Variants in RALA observed in about 807,000 individuals in gnomAD.
RALA encodes the protein RAS like proto-oncogene A.
RALA carries 5 observed loss-of-function variants against 24.0 expected under a neutral mutation model. That is an observed-to-expected ratio of 0.21 (90% CI 0.11 to 0.44). RALA has a LOEUF of 0.44. Among genes scored for constraint, RALA ranks in the 20% least tolerant of loss-of-function variants. The pLI is 0.99. For missense variants in RALA, 95 were observed against 241.2 expected, an observed-to-expected ratio of 0.39 and a Z score of 4.01; for synonymous variants, 77 against 83.8, an observed-to-expected ratio of 0.92 and a Z score of 0.44.
intron 1 of RALA, among the ~76,000 whole-genome samples, chr7:39,624,886 T>G (rs1192381859): frequency 6.6e-6 from 1 of 152,254 alleles, no homozygotes; most frequent in Non-Finnish European, 1.5e-5. Context: ...TCTTACAGTA[T>G]GTTTATTAAT....
intron 1 of RALA, among the ~76,000 whole-genome samples, chr7:39,635,843 G>A (rs1222802841): frequency 3.3e-5 from 5 of 152,296 alleles, no homozygotes; most frequent in South Asian, 4.1e-4. Flanking sequence ...CCTGCTGTGC[G>A]GCCCAGTTCC....
chr7:39,704,168 A>G (rs1312370162), intron 4 of RALA, among the ~76,000 whole-genome samples: 5 of 151,840 alleles, frequency 3.3e-5, no homozygotes, highest in Non-Finnish European at 4.4e-5. Context: ...TCAAAAAAAA[A>G]AAAAAAAAAA....
intron 1 of RALA, among the ~76,000 whole-genome samples, chr7:39,660,213 G>A (rs1166053262): frequency 6.6e-6 from 1 of 151,984 alleles, no homozygotes; most frequent in East Asian, 1.9e-4. Context: ...GGGTGTGGTG[G>A]TGTGCACCTG....
chr7:39,658,257 T>C (rs1196926762), intron 1 of RALA, among the ~76,000 whole-genome samples: 1 of 152,100 alleles, frequency 6.6e-6, no homozygotes, highest in Non-Finnish European at 1.5e-5. Flanking sequence ...TGCTCCTTTT[T>C]CTCCTTCAGC....
intron 1 of RALA, among the ~76,000 whole-genome samples, chr7:39,639,866 T>C (rs1791750413): frequency 6.6e-6 from 1 of 152,090 alleles, no homozygotes; most frequent in African/African-American, 2.4e-5. Flanking sequence ...ATGGACAATT[T>C]AGACATGCCT....
At chr7:39,659,218 G>T (rs1052303100) in intron 1 of RALA, among the ~76,000 whole-genome samples, 6 of 152,156 alleles carry the variant, frequency 3.9e-5, no homozygotes, top group Non-Finnish European at 8.8e-5. Context: ...GGTCAAGGCT[G>T]CAGTGAGCTG....
intron 1 of RALA, among the ~76,000 whole-genome samples, chr7:39,627,515 G>A (rs1791513677): frequency 6.6e-6 from 1 of 152,184 alleles, no homozygotes; most frequent in African/African-American, 2.4e-5. Flanking sequence ...AAATGTCAGG[G>A]TTTGGTAATG....
At chr7:39,661,844 C>A (rs912382692) in intron 1 of RALA, among the ~76,000 whole-genome samples, 2 of 152,192 alleles carry the variant, frequency 1.3e-5, no homozygotes, top group Non-Finnish European at 2.9e-5. Context: ...GGGGCTTCAA[C>A]CCCACATTTC....
intron 1 of RALA, among the ~76,000 whole-genome samples, chr7:39,659,267 G>A (rs1045706023): frequency 5.9e-5 from 9 of 152,098 alleles, no homozygotes; most frequent in African/African-American, 2.2e-4. Flanking sequence ...CTGGGCAAGT[G>A]AGAGAGACTC....
chr7:39,631,427 T>C (rs1387124155), intron 1 of RALA, among the ~76,000 whole-genome samples: 1 of 151,616 alleles, frequency 6.6e-6, no homozygotes, highest in East Asian at 2.0e-4. Context: ...GGTGCCATCA[T>C]AGCTCACTGC....
rs766807471 is a variant in RALA, at chr7:39,706,259, T to C, written c.*14T>C. 1.2e-6 allele frequency: 2 copies of C among 1,600,316 alleles called. No individual in the cohort carries two copies. The highest frequency in any genetic ancestry group is 1.7e-6 in the Non-Finnish European group (2 of 1,176,254). On this transcript the variant is annotated 3_prime_UTR_variant, in exon 5 of 5. Transcript: ENST00000005257. ...TGCATTTTATAATCAAAGCCCAAAC[T>C]CCTTTCTTATCTTGACCATACTAAT...
chr7:39,639,393 C>G (rs2115937172), intron 1 of RALA, among the ~76,000 whole-genome samples: 1 of 152,250 alleles, frequency 6.6e-6, no homozygotes, highest in African/African-American at 2.4e-5. Context: ...GAACTTTCTG[C>G]CACCACAGTT....
intron 1 of RALA, among the ~76,000 whole-genome samples, chr7:39,679,319 T>G (rs1397397821): frequency 6.6e-6 from 1 of 152,196 alleles, no homozygotes; most frequent in Non-Finnish European, 1.5e-5. Context: ...TTTGGTTTGA[T>G]TTTAATTACA....
intron 1 of RALA, among the ~76,000 whole-genome samples, chr7:39,665,000 C>T (rs973603277): frequency 2.0e-5 from 3 of 152,112 alleles, no homozygotes; most frequent in African/African-American, 7.2e-5. Context: ...TAGACTCTTC[C>T]GTGATACAAG....
chr7:39,697,071 G>A (rs776278230), intron 4 of RALA, among the ~76,000 whole-genome samples: 7 of 152,130 alleles, frequency 4.6e-5, no homozygotes, highest in Non-Finnish European at 7.4e-5. Flanking sequence ...AGACACTACA[G>A]CTAAATGTAC....
At position 39,706,287 on chromosome 7, in the gene RALA, A is replaced by C; in HGVS notation, c.*42A>C. The C allele has an allele frequency of 6.4e-7, 1 of 1,556,604 alleles. No homozygotes were observed. On this transcript the variant is annotated 3_prime_UTR_variant, in exon 5 of 5. Coordinates refer to ENST00000005257, the MANE Select transcript of RALA (RefSeq NM_005402.4). ...TTTCTTATCTTGACCATACTAATAAATATAATTTATAAGCATTGCCATTGA... is the reference window on the plus strand; with the variant it reads ...TTTCTTATCTTGACCATACTAATAACTATAATTTATAAGCATTGCCATTGA...
intron 1 of RALA, among the ~76,000 whole-genome samples, chr7:39,673,526 G>A (rs1226821213): frequency 1.3e-5 from 2 of 152,068 alleles, no homozygotes; most frequent in African/African-American, 4.8e-5. Flanking sequence ...GAGTGAGGTT[G>A]TAAATTGGGT....
rs1792933360 is a variant in RALA, at chr7:39,697,007, G to A, written c.498+148G>A. The A allele has an allele frequency of 2.6e-5, 20 of 773,538 alleles. No homozygotes were observed. In the South Asian group the frequency reaches 2.9e-4, roughly 11 times the overall value. The allele number at this position is 773,538 out of a possible 1,614,324, so 47.9% of individuals were successfully genotyped here. A position where few individuals can be genotyped will look rare whatever the true frequency, so the allele number is the denominator to read the frequency against. On this transcript the variant is annotated intron_variant, in intron 4 of 4. Coordinates refer to ENST00000005257, the MANE Select transcript of RALA (RefSeq NM_005402.4). ...ATCATCCCTGAATACTCAGATACAT[G>A]TTAGGAATTTTAGTTCACCTTGTCC...
rs563657341 is a variant in RALA, at chr7:39,676,061, C to T, written c.-37-10570C>T. Among the ~76,000 whole-genome samples, 30 of 152,212 alleles carry T rather than the reference C, an allele frequency of 2.0e-4. 2 individuals are homozygous for T. The East Asian group carries it at 4.8e-3, about 24-fold the overall frequency. ...CCTGATCTAGGCTCACTGGAAGCTC[C>T]GCCTCCTGGGTTCACGCCATTCTCC... On this transcript the variant is annotated intron_variant, in intron 1 of 4. Coordinates refer to ENST00000005257, the MANE Select transcript of RALA (RefSeq NM_005402.4).
Sources: gnomAD v4.1 joint callset for allele counts (sites outside exome capture counted in the v4.1 genomes callset) on GRCh38, gnomAD v4.1.1 for gene constraint, MANE v1.5 for transcripts, NCBI Gene and HGNC (gene_info 2026-07-23, HGNC 2026-07-21) for gene names.